The following LRMDA variants were observed in gnomAD, a reference collection of about 807,000 sequenced individuals.
The protein encoded by LRMDA is leucine-rich melanocyte differentiation-associated protein.
LRMDA carries 18 observed loss-of-function variants against 29.8 expected under a neutral mutation model. The observed-to-expected ratio is 0.60, with a 90% CI of 0.42 to 0.90. The LOEUF is 0.90. Ranked by LOEUF, LRMDA falls within the 40% of genes least tolerant of loss-of-function variation. LRMDA has a pLI of 0.00. For missense variants in LRMDA, 273 were observed against 273.9 expected (o/e 1.00, Z 0.02); for synonymous variants, 125 against 109.4 (o/e 1.14, Z -0.89).
chr10:76,241,329 C>T (rs182698198), intron 5 of LRMDA, among the ~76,000 whole-genome samples: 1 of 152,304 alleles, frequency 6.6e-6, no homozygotes, highest in East Asian at 1.9e-4. Flanking sequence ...AAAGAATCAG[C>T]TGGAGTCTTC....
intron 2 of LRMDA, among the ~76,000 whole-genome samples, chr10:75,613,353 G>C (rs1841057654): frequency 6.6e-6 from 1 of 152,180 alleles, no homozygotes; most frequent in South Asian, 2.1e-4. Flanking sequence ...GGCAGTGAGG[G>C]ATAGGGGTGG....
At position 76,107,569 on chromosome 10, in the gene LRMDA, C is replaced by G. The variant is rs542020253; in HGVS notation, c.516+48786C>G. 2.0e-5 allele frequency among the ~76,000 whole-genome samples: 3 copies of G among 152,264 alleles called. No homozygotes were observed. In the East Asian group the frequency reaches 5.8e-4, roughly 29 times the overall value. ...CCATCTGTGCTAGTTACCTCTGTCT[C>G]CCAGGAGAAGAGAGCAATGAACCTT... On this transcript the variant is annotated intron_variant, in intron 5 of 6. Coordinates refer to ENST00000611255, the MANE Select transcript of LRMDA (RefSeq NM_001305581.2).
chr10:75,875,634 G>T (rs996419964), intron 2 of LRMDA, among the ~76,000 whole-genome samples: 1 of 152,190 alleles, frequency 6.6e-6, no homozygotes, highest in South Asian at 2.1e-4. Context: ...GTTTCACTAT[G>T]TTGGTCAGGC....
chr10:76,492,403 G>T (rs1458093760), intron 6 of LRMDA, among the ~76,000 whole-genome samples: 1 of 151,978 alleles, frequency 6.6e-6, no homozygotes, highest in African/African-American at 2.4e-5. Context: ...CTACATTAAG[G>T]AACACGCCAA....
intron 2 of LRMDA, among the ~76,000 whole-genome samples, chr10:75,754,921 A>G (rs1051384762): frequency 1.3e-5 from 2 of 152,066 alleles, no homozygotes; most frequent in African/African-American, 4.8e-5. Context: ...TATTCTATGG[A>G]TTTCCTATGG....
chr10:75,871,827 T>C (rs12779195), intron 2 of LRMDA, among the ~76,000 whole-genome samples: 59,075 of 152,172 alleles, frequency 0.39, 13,372 homozygotes, highest in South Asian at 0.52. Context: ...CTTTACCCTT[T>C]GTTTTCATCA....
chr10:75,616,733 T>C (rs1841107750), intron 2 of LRMDA, among the ~76,000 whole-genome samples: 1 of 152,224 alleles, frequency 6.6e-6, no homozygotes, highest in African/African-American at 2.4e-5. Flanking sequence ...GACAGTTGTA[T>C]ATATGTGAAT....
intron 6 of LRMDA, among the ~76,000 whole-genome samples, chr10:76,442,335 T>A (rs1842312209): frequency 6.6e-6 from 1 of 152,182 alleles, no homozygotes; most frequent in Non-Finnish European, 1.5e-5. Context: ...CATTTGCATA[T>A]TTTCTCACAA....
intron 2 of LRMDA, among the ~76,000 whole-genome samples, chr10:75,952,623 A>G (rs1054409176): frequency 3.3e-5 from 5 of 152,244 alleles, no homozygotes; most frequent in African/African-American, 1.2e-4. Flanking sequence ...AAGATCATTT[A>G]TAGCAATTAA....
rs562871606 is a variant in LRMDA, at chr10:75,645,111, T to C, written c.131+206617T>C. On this transcript the variant is annotated intron_variant, in intron 2 of 6. Transcript: ENST00000611255. ...GATTCTCCTTCCTCAGTCTCCTGAGTAGCTGGGACTACAGATGTGCACCAC... is the reference window on the plus strand; with the variant it reads ...GATTCTCCTTCCTCAGTCTCCTGAGCAGCTGGGACTACAGATGTGCACCAC... Among the ~76,000 whole-genome samples the C allele has an allele frequency of 3.3e-5, 5 of 151,980 alleles. No homozygotes were observed. The East Asian group carries it at 7.8e-4, about 24-fold the overall frequency.
chr10:75,937,412 G>C (rs1589259459), intron 2 of LRMDA, among the ~76,000 whole-genome samples: 1 of 152,154 alleles, frequency 6.6e-6, no homozygotes, highest in Non-Finnish European at 1.5e-5. Flanking sequence ...TAGCTTGGGG[G>C]CCTGGCCCTC....
rs193252956 is a variant in LRMDA at position 76,180,440 on chromosome 10, C to T, written c.516+121657C>T. 8.0e-3 allele frequency among the ~76,000 whole-genome samples: 1,221 copies of T among 151,874 alleles called. 17 individuals are homozygous for T. The highest frequency in any genetic ancestry group is 0.028 in the African/African-American group (1,152 of 41,434). ...GATTACAGGTGCCCGCCACCACACC[C>T]GGCTAATTTTTTGTATTTTTAGTAG... On this transcript the variant is annotated intron_variant, in intron 5 of 6. Coordinates refer to ENST00000611255, the MANE Select transcript of LRMDA (RefSeq NM_001305581.2).
intron 6 of LRMDA, among the ~76,000 whole-genome samples, chr10:76,523,386 A>G (rs546481415): frequency 2.0e-5 from 3 of 152,264 alleles, no homozygotes; most frequent in Non-Finnish European, 4.4e-5. Flanking sequence ...TGGAGAAGCC[A>G]GATGGCTTAC....
At chr10:76,448,166 G>A (rs984253235) in intron 6 of LRMDA, among the ~76,000 whole-genome samples, 2 of 152,078 alleles carry the variant, frequency 1.3e-5, no homozygotes, top group Non-Finnish European at 2.9e-5. Flanking sequence ...ACATGTCAGT[G>A]TGTTGTCATC....
intron 5 of LRMDA, among the ~76,000 whole-genome samples, chr10:76,220,424 A>G (rs1362217064): frequency 1.3e-5 from 2 of 152,194 alleles, no homozygotes; most frequent in South Asian, 2.1e-4. Flanking sequence ...GCAATAAAAA[A>G]TGATAAAGGG....
At chr10:76,451,011 C>T (rs1842400170) in intron 6 of LRMDA, among the ~76,000 whole-genome samples, 2 of 152,128 alleles carry the variant, frequency 1.3e-5, no homozygotes, top group Non-Finnish European at 2.9e-5. Context: ...TCCATAGTGG[C>T]AGATGTATAC....
intron 2 of LRMDA, among the ~76,000 whole-genome samples, chr10:75,767,688 T>A (rs968482210): frequency 5.3e-5 from 8 of 152,222 alleles, no homozygotes; most frequent in Admixed American, 4.6e-4. Flanking sequence ...TTCTGATATA[T>A]ATGACTTTGT....
chr10:76,104,428 T>C (rs1361471263), intron 5 of LRMDA, among the ~76,000 whole-genome samples: 2 of 152,084 alleles, frequency 1.3e-5, no homozygotes, highest in African/African-American at 2.4e-5. Context: ...CCCCTCCCAT[T>C]GCCACCTGCA....
At chr10:76,163,550 C>T (rs1362453956) in intron 5 of LRMDA, among the ~76,000 whole-genome samples, 1 of 151,968 alleles carries the variant, frequency 6.6e-6, no homozygotes, top group Non-Finnish European at 1.5e-5. Flanking sequence ...CATTACTGTG[C>T]ACGTGCATGT....
Sources: allele counts gnomAD v4.1 joint callset (sites outside exome capture counted in the v4.1 genomes callset), GRCh38; gene constraint gnomAD v4.1.1; transcripts MANE v1.5; gene names NCBI Gene and HGNC (gene_info 2026-07-23, HGNC 2026-07-21).